The following ZHX3 variants were observed in gnomAD, a reference collection of about 807,000 sequenced individuals.
ZHX3 encodes zinc fingers and homeoboxes 3.
ZHX3 carries 20 observed loss-of-function variants against 64.5 expected under a neutral mutation model. That is an observed-to-expected ratio of 0.31 (90% CI 0.22 to 0.45). The LOEUF is 0.45. Among genes scored for constraint, ZHX3 ranks in the 20% least tolerant of loss-of-function variants. The pLI is 1.00. For missense variants in ZHX3, 1,041 were observed against 1,195.8 expected (o/e 0.87, Z 1.91); for synonymous variants, 423 against 461.6 (o/e 0.92, Z 1.07).
In ZHX3 at chr20:41,204,244, C is replaced by A. The variant is rs1208479334; in HGVS notation, c.673G>T (p.Val225Leu). 1.2e-6 allele frequency: 2 copies of A among 1,614,058 alleles called. No individual in the cohort carries two copies. The highest frequency in any genetic ancestry group is 1.7e-5 in the Admixed American group (1 of 60,016). ...ATGAAGGAATGGTCCCCCTCTCTCA[C>A]CTCCATTTCTCCAGTCGACAGCTTT... ...LPKLSTGEME[V>L]REGDHSFING... The change falls in exon 3 of 4, where the codon GTG becomes TTG. Residue 225 changes from valine to leucine, a missense_variant. By Grantham distance (32) the Val-to-Leu change is conservative (BLOSUM62 1). Around this residue, in one of 4 missense-constraint regions of ZHX3, gnomAD observed 358 missense variants for 369.1 expected, o/e 0.97. Transcript: ENST00000683867. This position sits in a 1 kb window ranked among gnomAD's most constrained non-coding sequence, Gnocchi z 6.6.
chr20:41,249,233 T>A (rs983760460), intron 2 of ZHX3, among the ~76,000 whole-genome samples: 12 of 150,316 alleles, frequency 8.0e-5, no homozygotes, highest in Admixed American at 2.0e-4. Context: ...ACAGAATTGT[T>A]CACATAAAAA....
Position 41,184,861 on chromosome 20 carries a change from G to T in ZHX3, c.*330C>A. ...TCTGATGTTTTATTTAACATATAGA[G>T]GTGGATGTATATGTTAAAAGCTTGA... On this transcript the variant is annotated 3_prime_UTR_variant, in exon 4 of 4. Transcript: ENST00000683867. 16 of 1,468,848 alleles carry T rather than the reference G, an allele frequency of 1.1e-5. No individual in the cohort carries two copies. Among genetic ancestry groups the T allele is most frequent in the Non-Finnish European group, 1.4e-5 (15 of 1,103,196 alleles). 91.0% of individuals were successfully genotyped at this position (1,468,848 alleles called of 1,614,324 possible).
chr20:41,297,117 A>G (rs2044570968), intron 1 of ZHX3, among the ~76,000 whole-genome samples: 1 of 152,264 alleles, frequency 6.6e-6, no homozygotes. Context: ...AGTTCTGTCT[A>G]TAGAATTCCA....
intron 1 of ZHX3, among the ~76,000 whole-genome samples, chr20:41,295,893 T>C (rs2044489427): frequency 1.3e-5 from 2 of 151,934 alleles, no homozygotes; most frequent in South Asian, 4.2e-4. Flanking sequence ...AACTAACTCA[T>C]TACAAGTGTA....
At chr20:41,268,492 C>T (rs1388728979) in intron 2 of ZHX3, among the ~76,000 whole-genome samples, 1 of 152,138 alleles carries the variant, frequency 6.6e-6, no homozygotes, top group Non-Finnish European at 1.5e-5. Context: ...TCATTAAATA[C>T]ACTAGATCAT....
chr20:41,288,791 G>A (rs1452864335), intron 1 of ZHX3, among the ~76,000 whole-genome samples: 2 of 152,052 alleles, frequency 1.3e-5, no homozygotes. Flanking sequence ...ATAGCTGCAG[G>A]CATTTTCATA....
At chr20:41,311,800 G>T (rs567781728) in intron 1 of ZHX3, among the ~76,000 whole-genome samples, 3 of 152,322 alleles carry the variant, frequency 2.0e-5, no homozygotes, top group African/African-American at 7.2e-5. Flanking sequence ...TTCTCCCGAA[G>T]ATTTAGAGAT....
chr20:41,316,313 G>A (rs1203564385), intron 1 of ZHX3, among the ~76,000 whole-genome samples: 2 of 152,084 alleles, frequency 1.3e-5, no homozygotes, highest in Non-Finnish European at 2.9e-5. Flanking sequence ...TCCACTGTAT[G>A]TCTCTTAGAA....
chr20:41,186,628 G>A (rs750568688), intron 3 of ZHX3, among the ~76,000 whole-genome samples: 69 of 152,196 alleles, frequency 4.5e-4, no homozygotes, highest in Non-Finnish European at 3.5e-4. Flanking sequence ...AAGGGATCCA[G>A]TTTCTCCACA....
chr20:41,204,101 G>C lies in ZHX3; in HGVS notation c.816C>G (p.Leu272=). The change falls in exon 3 of 4, where the codon CTC becomes CTG. Residue 272 remains leucine, a synonymous_variant. Coordinates refer to ENST00000683867, the MANE Select transcript of ZHX3 (RefSeq NM_001384317.1). This position sits in a 1 kb window ranked among gnomAD's most constrained non-coding sequence, Gnocchi z 6.6. ...PVLPAGIAQF[L]SLQQQPPVHA... ...GCACTGGGGGCTGCTGCTGGAGGGAGAGGAACTGTGCTATGCCAGCTGGCA... is the reference window on the plus strand; with the variant it reads ...GCACTGGGGGCTGCTGCTGGAGGGACAGGAACTGTGCTATGCCAGCTGGCA... 1 of 1,607,374 alleles carries C rather than the reference G, an allele frequency of 6.2e-7. No homozygotes were observed. The highest frequency in any genetic ancestry group is 8.5e-7 in the Non-Finnish European group (1 of 1,176,260).
At chr20:41,263,311 T>C (rs555886868) in intron 2 of ZHX3, among the ~76,000 whole-genome samples, 3 of 152,180 alleles carry the variant, frequency 2.0e-5, no homozygotes, top group East Asian at 3.9e-4. Flanking sequence ...GAGAGCAGTA[T>C]TGCTTTCTGT....
intron 2 of ZHX3, among the ~76,000 whole-genome samples, chr20:41,236,261 GA>G (rs1436601589): frequency 6.6e-6 from 1 of 152,072 alleles, no homozygotes; most frequent in Admixed American, 6.5e-5. Flanking sequence ...CACAGAATTG[GA>G]AAAAACTACT....
In ZHX3 at chr20:41,212,333, T is replaced by C. The variant is rs2039217279; in HGVS notation, c.-150-7267A>G. ...AACACAAATCAAAACCACAATGAGA[T>C]ACCACTTCACACCCACCAAGATGGC... On this transcript the variant is annotated intron_variant, in intron 2 of 3. Transcript: ENST00000683867. This position sits in a 1 kb window ranked among gnomAD's most constrained non-coding sequence, Gnocchi z 4.3. Among the ~76,000 whole-genome samples, 1 of 152,100 alleles carries C rather than the reference T, an allele frequency of 6.6e-6. No homozygotes were observed. Among genetic ancestry groups the C allele is most frequent in the Non-Finnish European group, 1.5e-5 (1 of 68,010 alleles).
rs1389742347 is a variant in ZHX3 at position 41,204,574 on chromosome 20, T to C, written c.343A>G (p.Ser115Gly). The part of the protein sequence containing the change: ...KDPTFVCSGC[S>G]FLAKTPEGLS... ...CCCTCAGGGGTTTTTGCCAGAAAAC[T>C]GCACCCACTGCATACAAAGGTTGGG... The change falls in exon 3 of 4, where the codon AGT becomes GGT. Residue 115 changes from serine to glycine, a missense_variant. Coordinates refer to ENST00000683867, the MANE Select transcript of ZHX3 (RefSeq NM_001384317.1). The surrounding 1 kb of genome is among the most constrained non-coding windows in gnomAD (Gnocchi z 6.6). The C allele has an allele frequency of 1.9e-6, 3 of 1,614,128 alleles. No individual in the cohort carries two copies. The highest frequency in any genetic ancestry group is 2.5e-6 in the Non-Finnish European group (3 of 1,180,056).
At chr20:41,256,634 G>C (rs1191739566) in intron 2 of ZHX3, among the ~76,000 whole-genome samples, 1 of 148,718 alleles carries the variant, frequency 6.7e-6, no homozygotes, top group Non-Finnish European at 1.5e-5. Context: ...TTCAACCTGT[G>C]TATCTAGCAT....
intron 1 of ZHX3, among the ~76,000 whole-genome samples, chr20:41,313,817 C>T (rs539864119): frequency 2.6e-5 from 4 of 152,070 alleles, no homozygotes; most frequent in Non-Finnish European, 5.9e-5. Flanking sequence ...AGGATGGTCT[C>T]GATCTCCTGA....
intron 2 of ZHX3, among the ~76,000 whole-genome samples, chr20:41,236,192 CT>C (rs1275138474): frequency 6.6e-6 from 1 of 152,178 alleles, no homozygotes; most frequent in African/African-American, 2.4e-5. Flanking sequence ...AATGGCCATA[CT>C]GTCCAAGGTA....
intron 2 of ZHX3, among the ~76,000 whole-genome samples, chr20:41,252,447 GTC>G (rs2042036071): frequency 6.6e-6 from 1 of 152,162 alleles, no homozygotes; most frequent in African/African-American, 2.4e-5. Context: ...ATGTGAGTAC[GTC>G]TTAGTCCCCT....
At chr20:41,291,481 G>GA (rs2044235103) in intron 1 of ZHX3, among the ~76,000 whole-genome samples, 1 of 152,122 alleles carries the variant, frequency 6.6e-6, no homozygotes, top group African/African-American at 2.4e-5. Context: ...AATTATGATA[G>GA]AAATGACTAC....
Sources: gnomAD v4.1 joint callset for allele counts (sites outside exome capture counted in the v4.1 genomes callset) on GRCh38, gnomAD v4.1.1 for gene constraint, gnomAD v4.1.1 regional missense constraint, Gnocchi (gnomAD v3.1) non-coding constraint, MANE v1.5 for transcripts, NCBI Gene and HGNC (gene_info 2026-07-23, HGNC 2026-07-21) for gene names.